Variants in TMEM245 observed in about 807,000 individuals in gnomAD.
TMEM245 encodes the protein transmembrane protein 245.
TMEM245 carries 69 observed loss-of-function variants against 101.2 expected under a neutral mutation model. That is an observed-to-expected ratio of 0.68 (90% CI 0.56 to 0.83). The LOEUF (loss-of-function observed/expected upper bound fraction) is 0.83. Ranked by LOEUF, TMEM245 falls within the 40% of genes least tolerant of loss-of-function variation. The pLI, the probability that TMEM245 is intolerant of heterozygous loss-of-function variation, is 0.00. For missense variants in TMEM245, 1,075 were observed against 1,092.8 expected (o/e 0.98, Z 0.23); for synonymous variants, 537 against 449.8 (o/e 1.19, Z -2.45).
At chr9:109,117,127 G>C (rs549182601) in intron 1 of TMEM245, among the ~76,000 whole-genome samples, 1 of 149,138 alleles carries the variant, frequency 6.7e-6, no homozygotes, top group Non-Finnish European at 1.5e-5. Context: ...GTTTTTTTTT[G>C]AGACGGAATT....
At chr9:109,113,450 T>A (rs544073698) in intron 1 of TMEM245, among the ~76,000 whole-genome samples, 1 of 152,322 alleles carries the variant, frequency 6.6e-6, no homozygotes, top group Non-Finnish European at 1.5e-5. Flanking sequence ...AAACTTATGT[T>A]CTCCAAAACA....
chr9:109,117,133 G>T (rs902414164), intron 1 of TMEM245, among the ~76,000 whole-genome samples: 1 of 151,780 alleles, frequency 6.6e-6, no homozygotes, highest in African/African-American at 2.4e-5. Flanking sequence ...TTTTGAGACG[G>T]AATTTCACGC....
At chr9:109,045,352 G>A (rs1163019133) in intron 14 of TMEM245, among the ~76,000 whole-genome samples, 3 of 152,074 alleles carry the variant, frequency 2.0e-5, no homozygotes, top group African/African-American at 2.4e-5. Context: ...GGGAACGGCC[G>A]AGCTGCTGAA....
At chr9:109,028,395 A>C (rs1173786045) in intron 17 of TMEM245, among the ~76,000 whole-genome samples, 2 of 151,284 alleles carry the variant, frequency 1.3e-5, no homozygotes, top group African/African-American at 2.4e-5. Context: ...CAGAGGTTGC[A>C]GTGAGCCAAG....
intron 3 of TMEM245, among the ~76,000 whole-genome samples, chr9:109,104,647 A>G (rs1830364162): frequency 6.6e-6 from 1 of 152,246 alleles, no homozygotes; most frequent in Non-Finnish European, 1.5e-5. Context: ...TTTCAAAACT[A>G]CAGTAATCAA....
At chr9:109,073,950 C>A (rs1244113625) in intron 8 of TMEM245, among the ~76,000 whole-genome samples, 1 of 151,372 alleles carries the variant, frequency 6.6e-6, no homozygotes, top group Non-Finnish European at 1.5e-5. Context: ...AACCTCCACC[C>A]CCCACGTTCA....
At chr9:109,037,333 T>C (rs1474577732) in intron 15 of TMEM245, among the ~76,000 whole-genome samples, 1 of 152,228 alleles carries the variant, frequency 6.6e-6, no homozygotes, top group African/African-American at 2.4e-5. Flanking sequence ...GAGCCAATTA[T>C]GTCCTAGGTG....
intron 4 of TMEM245, among the ~76,000 whole-genome samples, chr9:109,092,379 T>TCACTTG: frequency 6.6e-6 from 1 of 152,330 alleles, no homozygotes; most frequent in East Asian, 1.9e-4. Flanking sequence ...ACTACTGAGA[T>TCACTTG]CACTTGCACC....
intron 14 of TMEM245, among the ~76,000 whole-genome samples, chr9:109,047,715 A>G (rs1010553327): frequency 2.6e-5 from 4 of 152,252 alleles, no homozygotes; most frequent in African/African-American, 9.6e-5. Flanking sequence ...TTCTAAGAAT[A>G]AGAGTCAGTA....
intron 17 of TMEM245, among the ~76,000 whole-genome samples, chr9:109,023,166 T>A (rs1273998075): frequency 6.6e-6 from 1 of 151,802 alleles, no homozygotes; most frequent in Non-Finnish European, 1.5e-5. Flanking sequence ...TTACTAAGAG[T>A]CTTTCATCTC....
intron 3 of TMEM245, among the ~76,000 whole-genome samples, chr9:109,098,092 T>C (rs1830187648): frequency 6.6e-6 from 1 of 152,204 alleles, no homozygotes; most frequent in Admixed American, 6.5e-5. Context: ...CTTTCTACTT[T>C]ATAGTATAGC....
At chr9:109,027,522 T>C (rs1047022830) in intron 17 of TMEM245, among the ~76,000 whole-genome samples, 1 of 152,052 alleles carries the variant, frequency 6.6e-6, no homozygotes, top group Non-Finnish European at 1.5e-5. Flanking sequence ...TTTTAGTCTC[T>C]AGCCAGGAGA....
At position 109,034,993 on chromosome 9, in the gene TMEM245, G is replaced by C. The variant is rs183035145; in HGVS notation, c.2399+1213C>G. Among the ~76,000 whole-genome samples the C allele has an allele frequency of 6.0e-4, 91 of 151,442 alleles. 1 individual carries two copies. In the East Asian group the frequency reaches 0.015, roughly 25 times the overall value. On this transcript the variant is annotated intron_variant, in intron 16 of 17. Transcript: ENST00000374586. ...TCAACATGGTGAAATCCCATCTCTA[G>C]TAAAAATACAAAAATTAGCCGGGTG...
chr9:109,058,020 G>GTTA (rs1828896021), intron 11 of TMEM245, among the ~76,000 whole-genome samples: 18 of 140,070 alleles, frequency 1.3e-4, no homozygotes, highest in South Asian at 4.6e-4. Context: ...TTTTTTTTTG[G>GTTA]GACGGGGTCT....
intron 11 of TMEM245, among the ~76,000 whole-genome samples, 172 bp from the exon 12 acceptor site, chr9:109,057,494 T>C (rs562396009): frequency 1.4e-3 from 217 of 152,332 alleles, no homozygotes; most frequent in African/African-American, 5.1e-3. Context: ...GGCTCATGTC[T>C]GTAATCCCAG....
intron 14 of TMEM245, chr9:109,042,240 G>T (rs1330221221): frequency 2.0e-5 from 3 of 152,046 alleles, no homozygotes; most frequent in Non-Finnish European, 4.4e-5. Flanking sequence ...GTTTCCTGTT[G>T]CAGCTGTAAT....
chr9:109,033,350 C>G lies in TMEM245; in HGVS notation c.2551G>C (p.Val851Leu). 1 of 1,613,588 alleles carries G rather than the reference C, an allele frequency of 6.2e-7. No homozygotes were observed. The highest frequency in any genetic ancestry group is 8.5e-7 in the Non-Finnish European group (1 of 1,179,774). ...SAMLVSPTNS[V>L]PTPNQTPWPA... ...CATGGGGTCTGGTTTGGCGTGGGAACTGAATTCGTGGGACTCACTAGCATG... is the reference window on the plus strand; with the variant it reads ...CATGGGGTCTGGTTTGGCGTGGGAAGTGAATTCGTGGGACTCACTAGCATG... Residue 851 changes from valine to leucine, a missense_variant, in exon 17 of 18, where the codon GTT becomes CTT. Val to Leu is a conservative substitution (Grantham distance 32). Transcript: ENST00000374586.
At chr9:109,033,851 C>A (rs1412512559) in intron 16 of TMEM245, among the ~76,000 whole-genome samples, 2 of 152,176 alleles carry the variant, frequency 1.3e-5, no homozygotes, top group Non-Finnish European at 2.9e-5. Context: ...GTTAAGTTAA[C>A]CTCCATCAAG....
At chr9:109,022,692 C>G (rs137905585) in intron 17 of TMEM245, among the ~76,000 whole-genome samples, 2,332 of 152,270 alleles carry the variant, frequency 0.015, 27 homozygotes, top group Non-Finnish European at 0.024. Context: ...TTTTCACAGT[C>G]TCACCCAAGT....
Sources: gnomAD v4.1 joint callset for allele counts (sites outside exome capture counted in the v4.1 genomes callset) on GRCh38, gnomAD v4.1.1 for gene constraint, MANE v1.5 for transcripts, NCBI Gene and HGNC (gene_info 2026-07-23, HGNC 2026-07-21) for gene names.